MCUR1: variants seen among roughly 807,000 people sequenced by gnomAD.
MCUR1 encodes mitochondrial calcium uniporter regulator 1.
Under a neutral mutation model 42.0 loss-of-function variants are expected in MCUR1, and 37 were observed. The ratio of observed to expected loss-of-function variants is 0.88; its 90% CI spans 0.68 to 1.16. MCUR1 has a LOEUF of 1.16. MCUR1 is among the 50% of genes most tolerant of loss of function. MCUR1 has a pLI of 0.00. For missense variants in MCUR1, 469 were observed against 468.4 expected (o/e 1.00, Z -0.01); for synonymous variants, 229 against 196.2 (o/e 1.17, Z -1.40).
intron 1 of MCUR1, among the ~76,000 whole-genome samples, chr6:13,811,394 A>C (rs771497782): frequency 7.9e-5 from 12 of 152,116 alleles, no homozygotes; most frequent in Admixed American, 2.6e-4. Context: ...TGGATTATGA[A>C]ACTGTCTAGA....
rs1385103817 is a variant in MCUR1, at chr6:13,793,941, A to G, written c.862T>C (p.Leu288=). ...AATTCCAGCAGCTTCTTTTCGTTCAATGAATACTGAAATAAACACGTAACA... is the reference window on the plus strand; with the variant it reads ...AATTCCAGCAGCTTCTTTTCGTTCAGTGAATACTGAAATAAACACGTAACA... ...EKSRVKELYS[L]NEKKLLELRT... is the part of the protein sequence containing the mutation. The change falls in exon 7 of 9, where the codon TTG becomes CTG. Residue 288 remains leucine, a synonymous_variant. Transcript: ENST00000379170. The G allele has an allele frequency of 1.2e-6, 2 of 1,613,484 alleles. No individual in the cohort carries two copies. Among genetic ancestry groups the G allele is most frequent in the Non-Finnish European group, 1.7e-6 (2 of 1,179,912 alleles).
At chr6:13,810,719 T>C (rs1186490661) in intron 1 of MCUR1, among the ~76,000 whole-genome samples, 1 of 152,040 alleles carries the variant, frequency 6.6e-6, no homozygotes, top group Non-Finnish European at 1.5e-5. Flanking sequence ...AAGGGGAGGG[T>C]AGCTGTGGTC....
chr6:13,809,090 T>G (rs1191556732), intron 1 of MCUR1, among the ~76,000 whole-genome samples: 1 of 152,216 alleles, frequency 6.6e-6, no homozygotes. Flanking sequence ...TAGCTATTCT[T>G]GTTTTCTTGT....
chr6:13,802,171 T>C, intron 3 of MCUR1, 72 bp downstream of exon 3: 1 of 1,246,582 alleles, frequency 8.0e-7, no homozygotes, highest in East Asian at 2.4e-5. Flanking sequence ...CAAAAAATTA[T>C]ATTAAAACAT....
chr6:13,799,410 C>T (rs1415106223), intron 5 of MCUR1, among the ~76,000 whole-genome samples: 1 of 152,120 alleles, frequency 6.6e-6, no homozygotes, highest in African/African-American at 2.4e-5. Context: ...GTGTTGAACT[C>T]CTGACCTTGT....
At chr6:13,806,855 G>A in intron 2 of MCUR1, 70 bp downstream of exon 2, 1 of 1,443,838 alleles carries the variant, frequency 6.9e-7, no homozygotes, top group Non-Finnish European at 9.3e-7. Context: ...GAAATTAAAT[G>A]AAACCATAAG....
chr6:13,805,156 A>AT (rs112255408), intron 2 of MCUR1, among the ~76,000 whole-genome samples: 9,327 of 143,572 alleles, frequency 0.065, 307 homozygotes, highest in Middle Eastern at 0.11. Flanking sequence ...CTGCTTATCA[A>AT]TTTTTTTTTT....
At chr6:13,794,082 C>T in intron 6 of MCUR1, 135 bp from the exon 7 acceptor site, 1 of 690,750 alleles carries the variant, frequency 1.4e-6, no homozygotes, top group Non-Finnish European at 2.5e-6. Flanking sequence ...GATTAAGTAG[C>T]CTACCTGCTT....
rs188150551 is a variant in MCUR1 at position 13,793,213 on chromosome 6, C to T, written c.909+681G>A. ...TTCATAGGATAACTATCTTCCATTACGATAACCAAACACTTTGTGAAGTGC... is the reference window on the plus strand; with the variant it reads ...TTCATAGGATAACTATCTTCCATTATGATAACCAAACACTTTGTGAAGTGC... On this transcript the variant is annotated intron_variant, in intron 7 of 8. Transcript: ENST00000379170. 2.2e-4 allele frequency among the ~76,000 whole-genome samples: 34 copies of T among 151,234 alleles called. 1 individual carries two copies. In the South Asian group the frequency reaches 5.4e-3, roughly 24 times the overall value.
intron 6 of MCUR1, among the ~76,000 whole-genome samples, 170 bp from the exon 7 acceptor site, chr6:13,794,117 CT>C (rs554976842): frequency 2.6e-3 from 369 of 141,818 alleles, no homozygotes; most frequent in African/African-American, 4.7e-3. Context: ...CTTGAGGTTT[CT>C]TTTTTTTTTT....
intron 2 of MCUR1, 116 bp from the exon 3 acceptor site, chr6:13,802,462 G>C: frequency 1.4e-6 from 1 of 713,986 alleles, no homozygotes; most frequent in South Asian, 1.8e-5. Flanking sequence ...CAGTGTGGTA[G>C]GAGGCAGGGA....
chr6:13,810,366 G>C (rs905681049), intron 1 of MCUR1, among the ~76,000 whole-genome samples: 2 of 151,974 alleles, frequency 1.3e-5, no homozygotes, highest in Non-Finnish European at 2.9e-5. Flanking sequence ...ACAATCAAAA[G>C]AACTTCCATT....
intron 1 of MCUR1, among the ~76,000 whole-genome samples, chr6:13,813,154 T>C (rs1354117734): frequency 1.3e-5 from 2 of 152,228 alleles, no homozygotes; most frequent in African/African-American, 2.4e-5. Flanking sequence ...AGGTGTGTAG[T>C]AGGCTGTAGC....
At chr6:13,799,488 C>T (rs1423609823) in intron 5 of MCUR1, among the ~76,000 whole-genome samples, 1 of 152,032 alleles carries the variant, frequency 6.6e-6, no homozygotes, top group African/African-American at 2.4e-5. Context: ...CGGCCTGTTG[C>T]TGCTTTTAAC....
intron 6 of MCUR1, among the ~76,000 whole-genome samples, chr6:13,797,397 C>A (rs1199237671): frequency 6.6e-6 from 1 of 152,080 alleles, no homozygotes; most frequent in African/African-American, 2.4e-5. Flanking sequence ...TAGAGGCAAC[C>A]CGACACATAT....
intron 1 of MCUR1, 79 bp downstream of exon 1, chr6:13,813,936 G>C (rs1001313869): frequency 3.7e-5 from 45 of 1,212,128 alleles, no homozygotes; most frequent in Non-Finnish European, 4.2e-5. Flanking sequence ...CTTTCCTCGG[G>C]GAGGCTGTAG....
In MCUR1 at chr6:13,790,769, T is replaced by G. The variant is rs376366236; in HGVS notation, c.*40A>C. 6.5e-6 allele frequency: 10 copies of G among 1,548,278 alleles called. No homozygotes were observed. The highest frequency in any genetic ancestry group is 8.9e-6 in the Non-Finnish European group (10 of 1,126,268). The stretch of plus-strand genomic sequence containing the variant: ...CACCCAGCCAACAATCTGGTATTCT[T>G]AAGGCAAAACAGTAGAAATCACTTT... On this transcript the variant is annotated 3_prime_UTR_variant, in exon 9 of 9. Transcript: ENST00000379170.
At position 13,802,251 on chromosome 6, in the gene MCUR1, T is replaced by C. The variant is rs1271828165; in HGVS notation, c.631A>G (p.Met211Val). 2.5e-6 allele frequency: 4 copies of C among 1,613,752 alleles called. No individual in the cohort carries two copies. The South Asian group carries it at 3.3e-5, about 13-fold the overall frequency. Residue 211 changes from methionine to valine, a missense_variant, in exon 3 of 9, where the codon ATG becomes GTG. Transcript: ENST00000379170. ...CACCCAACAAGGCTAACCTGCTGCA[T>C]CTTGGTGACCATATCTTTGTAGACG... is the stretch of plus-strand genomic sequence containing the variant. ...DIVYKDMVTK[M>V]QQEITFQQVM...
At chr6:13,805,252 G>T (rs971615478) in intron 2 of MCUR1, among the ~76,000 whole-genome samples, 2 of 151,426 alleles carry the variant, frequency 1.3e-5, no homozygotes, top group Non-Finnish European at 2.9e-5. Flanking sequence ...TCAGCCTCCT[G>T]AAGTGCTGGG....
Sources: gnomAD v4.1 joint callset for allele counts (sites outside exome capture counted in the v4.1 genomes callset) on GRCh38, gnomAD v4.1.1 for gene constraint, MANE v1.5 for transcripts, NCBI Gene and HGNC (gene_info 2026-07-23, HGNC 2026-07-21) for gene names.